The following GFRA1 variants were observed in gnomAD, a reference collection of about 807,000 sequenced individuals.
GFRA1 encodes GDNF family receptor alpha 1.
In GFRA1, 16 loss-of-function variants were observed where a neutral mutation model predicts 51.6. That is an observed-to-expected ratio of 0.31 (90% CI 0.21 to 0.47). GFRA1 has a LOEUF of 0.47. Ranked by LOEUF, GFRA1 falls within the 20% of genes least tolerant of loss-of-function variation. GFRA1 has a pLI of 1.00. For missense variants in GFRA1, 530 were observed against 594.3 expected (o/e 0.89, Z 1.13); for synonymous variants, 270 against 241.3 (o/e 1.12, Z -1.10).
intron 4 of GFRA1, among the ~76,000 whole-genome samples, chr10:116,250,073 T>C (rs764659100): frequency 2.0e-5 from 3 of 152,118 alleles, no homozygotes; most frequent in Non-Finnish European, 4.4e-5. Context: ...GCAAAGGCTT[T>C]GAGGCAGAAC....
At chr10:116,210,008 C>T (rs1397620021) in intron 5 of GFRA1, among the ~76,000 whole-genome samples, 2 of 152,162 alleles carry the variant, frequency 1.3e-5, no homozygotes, top group Non-Finnish European at 2.9e-5. Flanking sequence ...CTTGCGGCTT[C>T]CATCTCTGGC....
intron 6 of GFRA1, among the ~76,000 whole-genome samples, chr10:116,105,469 A>G (rs1043125532): frequency 1.3e-5 from 2 of 152,210 alleles, no homozygotes; most frequent in Admixed American, 6.5e-5. Flanking sequence ...GAACGCTAAG[A>G]GGCTCCATGT....
At chr10:116,227,410 G>A (rs1230693618) in intron 4 of GFRA1, among the ~76,000 whole-genome samples, 2 of 152,196 alleles carry the variant, frequency 1.3e-5, no homozygotes, top group East Asian at 3.9e-4. Context: ...CATGGTGCTG[G>A]CAAGTGGCAC....
chr10:116,271,146 C>A (rs1053800697), intron 2 of GFRA1, 31 bp from the exon 3 acceptor site: 10 of 1,571,096 alleles, frequency 6.4e-6, no homozygotes, highest in Admixed American at 1.7e-5. Context: ...AGCCTGAGTG[C>A]GGCGGGCGGG....
intron 2 of GFRA1, among the ~76,000 whole-genome samples, chr10:116,271,751 T>C (rs543000311): frequency 2.6e-5 from 4 of 152,212 alleles, no homozygotes; most frequent in South Asian, 2.1e-4. Flanking sequence ...CCCCGCCAAG[T>C]TGGGTCATTA....
chr10:116,114,191 C>T (rs1957322398), intron 6 of GFRA1, among the ~76,000 whole-genome samples: 1 of 152,148 alleles, frequency 6.6e-6, no homozygotes, highest in East Asian at 1.9e-4. Flanking sequence ...ACAGTTACTC[C>T]AGGTCACAGA....
At chr10:116,103,725 A>G (rs1197800431) in intron 6 of GFRA1, among the ~76,000 whole-genome samples, 1 of 152,262 alleles carries the variant, frequency 6.6e-6, no homozygotes, top group African/African-American at 2.4e-5. Flanking sequence ...AAACACTGGA[A>G]AGGTAATTGT....
intron 5 of GFRA1, among the ~76,000 whole-genome samples, chr10:116,173,438 G>A (rs1299060581): frequency 6.6e-6 from 1 of 152,172 alleles, no homozygotes; most frequent in African/African-American, 2.4e-5. Context: ...AGGGGGCTGA[G>A]GCAACATGCC....
At chr10:116,079,800 A>G (rs1444959609) in intron 9 of GFRA1, among the ~76,000 whole-genome samples, 2 of 152,158 alleles carry the variant, frequency 1.3e-5, no homozygotes, top group African/African-American at 2.4e-5. Flanking sequence ...ACTGAAATCG[A>G]CAGGGTTGGC....
intron 5 of GFRA1, among the ~76,000 whole-genome samples, chr10:116,165,663 TCTCACACA>T (rs1426697328): frequency 6.0e-5 from 6 of 99,212 alleles, no homozygotes; most frequent in Non-Finnish European, 1.3e-4. Flanking sequence ...TTTCTCTCAC[TCTCACACA>T]CACACACACA....
At chr10:116,194,050 AT>A (rs1395163877) in intron 5 of GFRA1, among the ~76,000 whole-genome samples, 1,134 of 101,010 alleles carry the variant, frequency 0.011, 53 homozygotes, top group African/African-American at 0.04. Context: ...ATAAAAAAAA[AT>A]AAATAAATAA....
At chr10:116,244,200 A>G (rs1033433320) in intron 4 of GFRA1, among the ~76,000 whole-genome samples, 1 of 151,952 alleles carries the variant, frequency 6.6e-6, no homozygotes, top group Non-Finnish European at 1.5e-5. Flanking sequence ...TTGATCTATT[A>G]CAGATTTATT....
At chr10:116,151,897 A>G (rs992934992) in intron 5 of GFRA1, among the ~76,000 whole-genome samples, 1 of 152,224 alleles carries the variant, frequency 6.6e-6, no homozygotes, top group Non-Finnish European at 1.5e-5. Context: ...ATGATAAATG[A>G]GGAGTTGACT....
intron 5 of GFRA1, among the ~76,000 whole-genome samples, chr10:116,178,471 C>T (rs1344447292): frequency 6.6e-6 from 1 of 152,214 alleles, no homozygotes; most frequent in Non-Finnish European, 1.5e-5. Context: ...AAAGTAGGTA[C>T]TCGGCGAGTG....
chr10:116,094,581 G>A (rs114990835), intron 7 of GFRA1, among the ~76,000 whole-genome samples: 6 of 152,112 alleles, frequency 3.9e-5, no homozygotes, highest in Admixed American at 3.9e-4. Flanking sequence ...CTTCTCCTGG[G>A]TGGCCGACAC....
chr10:116,193,110 C>T (rs1471919482), intron 5 of GFRA1, among the ~76,000 whole-genome samples: 1 of 152,006 alleles, frequency 6.6e-6, no homozygotes. Flanking sequence ...ACTAAAGTGG[C>T]CTGGAAAAAT....
intron 7 of GFRA1, 85 bp from the exon 8 acceptor site, chr10:116,093,921 C>A: frequency 7.8e-7 from 1 of 1,283,372 alleles, no homozygotes; most frequent in Non-Finnish European, 1.1e-6. Flanking sequence ...CCTCTGACGG[C>A]GGATGCACCG....
At chr10:116,091,805 A>G (rs1488250154) in intron 8 of GFRA1, among the ~76,000 whole-genome samples, 1 of 152,184 alleles carries the variant, frequency 6.6e-6, no homozygotes, top group East Asian at 1.9e-4. Flanking sequence ...ATCTAGTCAT[A>G]GTGGAAATGG....
intron 5 of GFRA1, among the ~76,000 whole-genome samples, chr10:116,207,356 T>C (rs1203817734): frequency 6.6e-6 from 1 of 152,202 alleles, no homozygotes; most frequent in Non-Finnish European, 1.5e-5. Flanking sequence ...AGCTTAACAT[T>C]GTAAGGTCTG....
Sources: gnomAD v4.1 joint callset for allele counts (sites outside exome capture counted in the v4.1 genomes callset) on GRCh38, gnomAD v4.1.1 for gene constraint, MANE v1.5 for transcripts, NCBI Gene and HGNC (gene_info 2026-07-23, HGNC 2026-07-21) for gene names.